The following FSCN1 variants were observed in gnomAD, a reference collection of about 807,000 sequenced individuals.
The protein encoded by FSCN1 is fascin.
Under a neutral mutation model 39.7 loss-of-function variants are expected in FSCN1, and 10 were observed. That is an observed-to-expected ratio of 0.25 (90% CI 0.16 to 0.43). The LOEUF is 0.43. FSCN1 is among the 20% of genes least tolerant of loss of function. FSCN1 has a pLI of 1.00. For synonymous variants in FSCN1, 322 were observed against 320.0 expected (o/e 1.01, Z -0.07); for missense variants, 525 against 723.8 (o/e 0.73, Z 3.15).
rs1275593985 is a variant in FSCN1 at position 5,605,444 on chromosome 7, C to T, written c.1452C>T (p.Thr484=). Reference sequence around the variant, plus strand: ...GCGTCCTGAAGGCCTCGGCGGAAACCGTGGACCCCGCCTCGCTCTGGGAGT... The same window carrying T: ...GCGTCCTGAAGGCCTCGGCGGAAACTGTGGACCCCGCCTCGCTCTGGGAGT... ...HAGVLKASAE[T]VDPASLWEY is the part of the protein sequence containing the mutation. Residue 484 remains threonine (T), a synonymous_variant, in exon 5 of 5, where the codon ACC becomes ACT. Transcript: ENST00000382361. The surrounding 1 kb of genome is among the most constrained non-coding windows in gnomAD (Gnocchi z 6.9). 5 of 1,598,432 alleles carry T rather than the reference C, an allele frequency of 3.1e-6. No individual in the cohort carries two copies. Among genetic ancestry groups the T allele is most frequent in the African/African-American group, 1.3e-5 (1 of 74,542 alleles).
Sources: gnomAD v4.1 joint callset for allele counts on GRCh38, gnomAD v4.1.1 for gene constraint, Gnocchi (gnomAD v3.1) non-coding constraint, MANE v1.5 for transcripts, NCBI Gene and HGNC (gene_info 2026-07-23, HGNC 2026-07-21) for gene names.